Variants in INPP5B observed in about 807,000 individuals in gnomAD.
INPP5B encodes the protein type II inositol 1,4,5-trisphosphate 5-phosphatase.
A neutral mutation model predicts 118.5 loss-of-function variants in INPP5B; 90 were observed. The ratio of observed to expected loss-of-function variants is 0.76; its 90% CI spans 0.64 to 0.90. The LOEUF is 0.90. Among genes scored for constraint, INPP5B ranks in the 40% least tolerant of loss-of-function variants. The pLI is 0.00. For synonymous variants in INPP5B, 385 were observed against 418.9 expected, an observed-to-expected ratio of 0.92 and a Z score of 0.99; for missense variants, 984 against 1,125.6, an observed-to-expected ratio of 0.87 and a Z score of 1.80.
chr1:37,866,422 A>G (rs1642050160), intron 21 of INPP5B, 37 bp downstream of exon 21: 2 of 1,056,906 alleles, frequency 1.9e-6, no homozygotes, highest in Non-Finnish European at 3.0e-6. Flanking sequence ...ACACACACAC[A>G]CACACACACA....
chr1:37,900,834 A>G (rs1570199899), intron 7 of INPP5B, among the ~76,000 whole-genome samples: 2 of 150,560 alleles, frequency 1.3e-5, no homozygotes, highest in South Asian at 4.2e-4. Flanking sequence ...TTTTTGAGAC[A>G]GAGTCTCTCT....
intron 3 of INPP5B, 57 bp downstream of exon 3, chr1:37,945,699 G>T: frequency 8.1e-7 from 1 of 1,232,120 alleles, no homozygotes; most frequent in African/African-American, 1.5e-5. Flanking sequence ...CAGCTGGAGG[G>T]TGCAGTGATG....
chr1:37,896,619 G>A (rs1481584544), intron 7 of INPP5B, among the ~76,000 whole-genome samples: 20 of 139,560 alleles, frequency 1.4e-4, no homozygotes, highest in African/African-American at 3.4e-4. Context: ...CCCCCCGCCC[G>A]GCCAGCCGCC....
intron 5 of INPP5B, among the ~76,000 whole-genome samples, chr1:37,941,622 CA>C (rs1645914446): frequency 6.6e-6 from 1 of 151,110 alleles, no homozygotes; most frequent in African/African-American, 2.4e-5. Flanking sequence ...GCCCGAGTGA[CA>C]GAGCAAGATC....
At chr1:37,881,868 G>T (rs955065477) in intron 14 of INPP5B, among the ~76,000 whole-genome samples, 1 of 152,188 alleles carries the variant, frequency 6.6e-6, no homozygotes, top group African/African-American at 2.4e-5. Flanking sequence ...GGGAGGCTGA[G>T]GTGGATGGAT....
At position 37,868,527 on chromosome 1, in the gene INPP5B, A is replaced by G; in HGVS notation, c.2275T>C (p.Tyr759His). 6.2e-7 allele frequency: 1 copy of G among 1,613,738 alleles called. No individual in the cohort carries two copies. Among genetic ancestry groups the G allele is most frequent in the South Asian group, 1.1e-5 (1 of 91,076 alleles). The change falls in exon 20 of 24, where the codon TAC (tyrosine) becomes CAC (histidine). Residue 759 changes from tyrosine to histidine, a missense_variant. By Grantham distance (83) the Tyr-to-His change is moderately conservative. This residue lies in a region of INPP5B where 634 missense variants were observed against 791.0 expected (regional missense o/e 0.80). Coordinates refer to ENST00000373024, the MANE Select transcript of INPP5B (RefSeq NM_005540.3). ...TGCTGGACAGCATTTCGGTACAGGT[A>G]ATCAACCATCATCCAGAGCTCTTTG... is the stretch of plus-strand genomic sequence containing the variant. ...IPKELWMMVD[Y>H]LYRNAVQQED... is the part of the protein sequence containing the mutation.
chr1:37,887,077 G>GA, intron 11 of INPP5B, 73 bp from the exon 12 acceptor site: 1 of 1,262,860 alleles, frequency 7.9e-7, no homozygotes, highest in Non-Finnish European at 1.2e-6. Flanking sequence ...ACATAGTCTG[G>GA]AAGCTGGCTG....
chr1:37,913,829 G>A (rs1052442235), intron 7 of INPP5B, among the ~76,000 whole-genome samples: 2 of 152,088 alleles, frequency 1.3e-5, no homozygotes, highest in African/African-American at 4.8e-5. Context: ...CATATCCTGT[G>A]ACCTGCATGT....
intron 9 of INPP5B, among the ~76,000 whole-genome samples, chr1:37,889,224 G>A (rs183321374): frequency 2.3e-4 from 35 of 152,276 alleles, no homozygotes; most frequent in African/African-American, 7.2e-4. Context: ...GCAACAAAGC[G>A]AGACCTTGTC....
chr1:37,898,037 A>G (rs1245976931), intron 7 of INPP5B, among the ~76,000 whole-genome samples: 1 of 152,258 alleles, frequency 6.6e-6, no homozygotes, highest in African/African-American at 2.4e-5. Context: ...CAACCAAGAT[A>G]TATTTCAACA....
At chr1:37,921,782 G>A (rs979651067) in intron 7 of INPP5B, among the ~76,000 whole-genome samples, 1 of 152,036 alleles carries the variant, frequency 6.6e-6, no homozygotes, top group Non-Finnish European at 1.5e-5. Flanking sequence ...AGCCAAGGCA[G>A]GTGGATCACC....
chr1:37,891,466 G>A lies in INPP5B; in HGVS notation c.533-12C>T. On this transcript the variant is annotated splice_polypyrimidine_tract_variant and intron_variant, in intron 7 of 23. Transcript: ENST00000373024. ...AAAGTTAGAACCACCTAAAGGGAAG[G>A]AGAAGAAATTAAAATATACATACAT... The A allele has an allele frequency of 6.3e-7, 1 of 1,585,938 alleles. No individual in the cohort carries two copies. The highest frequency in any genetic ancestry group is 8.7e-7 in the Non-Finnish European group (1 of 1,154,842).
chr1:37,866,454 G>A lies in INPP5B; in HGVS notation c.2386+5C>T. On this transcript the variant is annotated splice_donor_5th_base_variant and intron_variant, in intron 21 of 23. Transcript: ENST00000373024. ...CACACACAGAGCTGAATGTCTGAAG[G>A]ATACAGAGGTTATCAATCATTCCAG... 7.1e-7 allele frequency: 1 copy of A among 1,412,612 alleles called. No individual in the cohort carries two copies. Among genetic ancestry groups the A allele is most frequent in the Non-Finnish European group, 9.9e-7 (1 of 1,010,394 alleles). 87.5% of individuals were successfully genotyped at this position (1,412,612 alleles called of 1,614,324 possible).
rs1646105206 is a variant in INPP5B at position 37,946,193 on chromosome 1, C to T, written c.57+59G>A. 3 of 1,510,672 alleles carry T rather than the reference C, an allele frequency of 2.0e-6. No homozygotes were observed. The South Asian group carries it at 3.5e-5, about 18-fold the overall frequency. The allele number at this position is 1,510,672 out of a possible 1,614,324, so 93.6% of individuals were successfully genotyped here. On this transcript the variant is annotated intron_variant, in intron 2 of 23. Transcript: ENST00000373024. ...GAGGGGATAGACACCTCGACACCTTCCATTCCTCTTCCCAAGGCCAGGGCA... is the reference window on the plus strand; with the variant it reads ...GAGGGGATAGACACCTCGACACCTTTCATTCCTCTTCCCAAGGCCAGGGCA...
In INPP5B at chr1:37,931,824, C is replaced by T. The variant is rs192297843; in HGVS notation, c.532+89G>A. 5,279 of 1,609,880 alleles carry T rather than the reference C, an allele frequency of 3.3e-3. 17 individuals are homozygous for T. The highest frequency in any genetic ancestry group is 3.8e-3 in the Non-Finnish European group (4,435 of 1,179,640). Reference sequence around the variant, plus strand: ...CCATCAATCGAAAGCCTGTCTTCTCCATCGCTCCGCCCCAAAACAGAACGG... The same window carrying T: ...CCATCAATCGAAAGCCTGTCTTCTCTATCGCTCCGCCCCAAAACAGAACGG... On this transcript the variant is annotated intron_variant, in intron 7 of 23. Transcript: ENST00000373024.
intron 7 of INPP5B, among the ~76,000 whole-genome samples, chr1:37,903,981 A>C (rs1644419433): frequency 6.6e-6 from 1 of 152,216 alleles, no homozygotes; most frequent in South Asian, 2.1e-4. Context: ...AAATAAAAAC[A>C]GTTTTACATG....
At chr1:37,921,827 T>C (rs1201013685) in intron 7 of INPP5B, among the ~76,000 whole-genome samples, 1 of 151,914 alleles carries the variant, frequency 6.6e-6, no homozygotes, top group South Asian at 2.1e-4. Context: ...CAGGCCAACA[T>C]AGCAAAACTC....
At chr1:37,933,954 G>A (rs1010125859) in intron 6 of INPP5B, among the ~76,000 whole-genome samples, 1 of 145,360 alleles carries the variant, frequency 6.9e-6, no homozygotes, top group African/African-American at 2.6e-5. Flanking sequence ...TTTATTTTGG[G>A]ACAAACTCTT....
chr1:37,883,930 CA>C (rs764670368), intron 13 of INPP5B: 144 of 849,340 alleles, frequency 1.7e-4, no homozygotes, highest in Non-Finnish European at 1.9e-4. Context: ...TGACTTTAGA[CA>C]AAGAGGAAGT....
Sources: gnomAD v4.1 joint callset for allele counts (sites outside exome capture counted in the v4.1 genomes callset) on GRCh38, gnomAD v4.1.1 for gene constraint, gnomAD v4.1.1 regional missense constraint, MANE v1.5 for transcripts, NCBI Gene and HGNC (gene_info 2026-07-23, HGNC 2026-07-21) for gene names.